Variants in NRXN1 observed in about 807,000 individuals in gnomAD.
NRXN1 encodes neurexin 1.
NRXN1 carries 39 observed loss-of-function variants against 150.9 expected under a neutral mutation model. That is an observed-to-expected ratio of 0.26 (90% confidence interval 0.20 to 0.34). The LOEUF (loss-of-function observed/expected upper bound fraction) is 0.34, where lower values mean the gene tolerates loss of function less well. Ranked by LOEUF, NRXN1 falls within the 10% of genes least tolerant of loss-of-function variation. The probability of loss-of-function intolerance (pLI) is 1.00; values close to 1 mark genes in which losing one functional copy is unlikely to be tolerated. For synonymous variants in NRXN1, 924 were observed against 757.0 expected (o/e 1.22, Z -3.62); for missense variants, 1,815 against 1,949.9 (o/e 0.93, Z 1.30).
At chr2:50,457,533 C>T (rs972713907) in intron 17 of NRXN1, among the ~76,000 whole-genome samples, 1 of 151,916 alleles carries the variant, frequency 6.6e-6, no homozygotes, top group Non-Finnish European at 1.5e-5. Flanking sequence ...ATCTAAAGAA[C>T]TGGAGAAAAT....
At chr2:50,529,077 C>T (rs1274601729) in intron 11 of NRXN1, 3 of 156,692 alleles carry the variant, frequency 1.9e-5, no homozygotes, top group African/African-American at 7.2e-5. Flanking sequence ...TAATATCCCA[C>T]AAAGGCCAAC....
intron 5 of NRXN1, among the ~76,000 whole-genome samples, chr2:50,716,412 T>C (rs934938670): frequency 5.9e-5 from 9 of 151,942 alleles, no homozygotes; most frequent in Non-Finnish European, 1.0e-4. Flanking sequence ...ACATGAGTCA[T>C]TGAAGAAAAA....
chr2:50,826,094 C>A (rs1332408779), intron 5 of NRXN1, among the ~76,000 whole-genome samples: 1 of 152,080 alleles, frequency 6.6e-6, no homozygotes, highest in Non-Finnish European at 1.5e-5. Flanking sequence ...GAGAGTGATC[C>A]ATGATTGGAG....
intron 5 of NRXN1, among the ~76,000 whole-genome samples, chr2:50,920,376 G>A (rs1055358693): frequency 6.6e-6 from 1 of 151,586 alleles, no homozygotes; most frequent in East Asian, 1.9e-4. Context: ...GTATAAACAT[G>A]AACTATTCCA....
chr2:50,379,817 C>T (rs1288995347), intron 17 of NRXN1, among the ~76,000 whole-genome samples: 1 of 152,096 alleles, frequency 6.6e-6, no homozygotes, highest in Non-Finnish European at 1.5e-5. Context: ...TATTTTAAGT[C>T]CCTAAAACAT....
At chr2:50,737,753 T>C (rs1382792426) in intron 5 of NRXN1, among the ~76,000 whole-genome samples, 1 of 152,136 alleles carries the variant, frequency 6.6e-6, no homozygotes, top group Non-Finnish European at 1.5e-5. Context: ...GCATTAACTA[T>C]ACAATGGGGT....
chr2:50,969,926 G>C (rs986437943), intron 2 of NRXN1, among the ~76,000 whole-genome samples: 1 of 152,166 alleles, frequency 6.6e-6, no homozygotes, highest in Non-Finnish European at 1.5e-5. Flanking sequence ...GTTCAACAAA[G>C]TATGTACAGC....
chr2:50,055,132 G>T, intron 19 of NRXN1, 88 bp from the exon 20 acceptor site: 1 of 825,596 alleles, frequency 1.2e-6, no homozygotes, highest in Non-Finnish European at 1.8e-6. Context: ...CTATACAGTT[G>T]CCACATGATT....
chr2:50,599,367 A>G (rs1047931264), intron 8 of NRXN1, among the ~76,000 whole-genome samples: 65 of 152,350 alleles, frequency 4.3e-4, no homozygotes, highest in Admixed American at 2.9e-3. Flanking sequence ...GAAGGTGGTC[A>G]CTACTTACTG....
chr2:50,891,774 C>A (rs1413593834), intron 5 of NRXN1, among the ~76,000 whole-genome samples: 2 of 152,074 alleles, frequency 1.3e-5, no homozygotes, highest in Non-Finnish European at 2.9e-5. Context: ...TCAGGGTAAA[C>A]TCTTGTTTTT....
chr2:50,779,629 G>T (rs553200744), intron 5 of NRXN1, among the ~76,000 whole-genome samples: 6 of 152,016 alleles, frequency 3.9e-5, no homozygotes, highest in Non-Finnish European at 7.4e-5. Flanking sequence ...TTAGCTGGGC[G>T]TGGTGGCGGG....
intron 18 of NRXN1, among the ~76,000 whole-genome samples, chr2:50,158,982 TG>T (rs2059200939): frequency 6.6e-6 from 1 of 152,046 alleles, no homozygotes; most frequent in Non-Finnish European, 1.5e-5. Context: ...GCAAGGTAAC[TG>T]CTTTCCCCTA....
intron 22 of NRXN1, among the ~76,000 whole-genome samples, chr2:49,925,417 C>G (rs1300621943): frequency 6.6e-6 from 1 of 151,722 alleles, no homozygotes; most frequent in Admixed American, 6.6e-5. Flanking sequence ...GTCGCTAATG[C>G]TTTATTTTGA....
chr2:50,228,298 A>C (rs893065135), intron 18 of NRXN1, among the ~76,000 whole-genome samples: 1 of 152,074 alleles, frequency 6.6e-6, no homozygotes, highest in Non-Finnish European at 1.5e-5. Context: ...AGTAGTAGAA[A>C]ATTAAAACTT....
chr2:50,910,103 T>G (rs1352079382), intron 5 of NRXN1, among the ~76,000 whole-genome samples: 2 of 151,978 alleles, frequency 1.3e-5, no homozygotes, highest in Non-Finnish European at 2.9e-5. Context: ...ATTCTCTTTC[T>G]GCCCCCTTCC....
At chr2:49,947,573 G>A (rs1198171890) in intron 21 of NRXN1, among the ~76,000 whole-genome samples, 1 of 142,192 alleles carries the variant, frequency 7.0e-6, no homozygotes, top group Non-Finnish European at 1.5e-5. Flanking sequence ...TGTTACCCAG[G>A]CTGATCTAGA....
chr2:50,938,959 C>G (rs1688964578), intron 2 of NRXN1, among the ~76,000 whole-genome samples: 1 of 151,982 alleles, frequency 6.6e-6, no homozygotes, highest in South Asian at 2.1e-4. Context: ...TGCCTATAAT[C>G]CCTGCACTTT....
chr2:50,856,978 GC>G (rs1208525151), intron 5 of NRXN1, among the ~76,000 whole-genome samples: 4 of 152,038 alleles, frequency 2.6e-5, no homozygotes, highest in African/African-American at 7.2e-5. Context: ...AGAGACAAAT[GC>G]CCTTTTACAT....
At chr2:50,796,333 A>G (rs1418604309) in intron 5 of NRXN1, among the ~76,000 whole-genome samples, 6 of 152,174 alleles carry the variant, frequency 3.9e-5, no homozygotes, top group South Asian at 2.1e-4. Flanking sequence ...TATTTGTTGG[A>G]TCACTCTGTT....
Sources: gnomAD v4.1 joint callset for allele counts (sites outside exome capture counted in the v4.1 genomes callset) on GRCh38, gnomAD v4.1.1 for gene constraint, MANE v1.5 for transcripts, NCBI Gene and HGNC (gene_info 2026-07-23, HGNC 2026-07-21) for gene names.